Variants in RBMS3 observed in about 807,000 individuals in gnomAD.
RBMS3 encodes the protein RNA binding motif single stranded interacting protein 3.
A neutral mutation model predicts 66.8 loss-of-function variants in RBMS3; 27 were observed. The observed-to-expected ratio is 0.40, with a 90% CI of 0.30 to 0.56. RBMS3 has a LOEUF of 0.56. Among genes scored for constraint, RBMS3 ranks in the 20% least tolerant of loss-of-function variants. RBMS3 has a pLI of 0.40. For missense variants in RBMS3, 513 were observed against 549.5 expected (o/e 0.93, Z 0.66); for synonymous variants, 188 against 183.0 (o/e 1.03, Z -0.22).
At chr3:29,496,996 A>G (rs758311629) in intron 3 of RBMS3, among the ~76,000 whole-genome samples, 2 of 151,756 alleles carry the variant, frequency 1.3e-5, no homozygotes, top group African/African-American at 2.4e-5. Context: ...CAGAACGTGC[A>G]GAAATGATTT....
intron 1 of RBMS3, among the ~76,000 whole-genome samples, chr3:29,329,568 A>G (rs1380675284): frequency 1.3e-5 from 2 of 152,088 alleles, no homozygotes; most frequent in African/African-American, 4.8e-5. Flanking sequence ...TAAGCTTTAG[A>G]GAAATGTCTT....
At chr3:29,467,214 A>C (rs1288421607) in intron 2 of RBMS3, among the ~76,000 whole-genome samples, 1 of 152,114 alleles carries the variant, frequency 6.6e-6, no homozygotes, top group Non-Finnish European at 1.5e-5. Flanking sequence ...GATTATGTGA[A>C]CCTGTTGCTG....
chr3:29,344,327 A>G (rs1452540370), intron 1 of RBMS3, among the ~76,000 whole-genome samples: 2 of 152,180 alleles, frequency 1.3e-5, no homozygotes, highest in African/African-American at 2.4e-5. Context: ...TCACAGTACC[A>G]TGTGGTCTGT....
At chr3:29,747,697 GA>G (rs2054984252) in intron 5 of RBMS3, among the ~76,000 whole-genome samples, 1 of 152,180 alleles carries the variant, frequency 6.6e-6, no homozygotes. Context: ...TTTATTAAGT[GA>G]AAGGAAAACT....
intron 1 of RBMS3, among the ~76,000 whole-genome samples, chr3:29,323,726 A>ACCCACC (rs1553633242): frequency 2.8e-5 from 4 of 140,604 alleles, no homozygotes; most frequent in African/African-American, 1.1e-4. Flanking sequence ...ACACACACAC[A>ACCCACC]CCCCTTGGAC....
intron 4 of RBMS3, among the ~76,000 whole-genome samples, chr3:29,645,804 G>A (rs1205345857): frequency 6.6e-6 from 1 of 152,156 alleles, no homozygotes; most frequent in African/African-American, 2.4e-5. Flanking sequence ...TATTGGCATT[G>A]TGTAATGTTT....
chr3:29,542,446 C>T (rs946311845), intron 3 of RBMS3, among the ~76,000 whole-genome samples: 3 of 152,082 alleles, frequency 2.0e-5, no homozygotes, highest in Non-Finnish European at 4.4e-5. Flanking sequence ...CTGCAACCTG[C>T]GCCTCCCGGG....
intron 1 of RBMS3, among the ~76,000 whole-genome samples, chr3:29,388,944 G>C (rs1227154414): frequency 2.0e-5 from 3 of 152,192 alleles, no homozygotes; most frequent in African/African-American, 7.2e-5. Context: ...TCCCATTTAT[G>C]TAGACACATC....
intron 5 of RBMS3, among the ~76,000 whole-genome samples, chr3:29,756,651 T>G (rs2055427682): frequency 6.6e-6 from 1 of 152,046 alleles, no homozygotes; most frequent in East Asian, 1.9e-4. Flanking sequence ...CAATTCAAGA[T>G]GAGATTTGGT....
intron 2 of RBMS3, among the ~76,000 whole-genome samples, chr3:29,448,070 CAA>C (rs1395681345): frequency 6.6e-6 from 1 of 152,152 alleles, no homozygotes; most frequent in Admixed American, 6.5e-5. Flanking sequence ...ATGGGACAAA[CAA>C]GAGACATAAT....
chr3:29,990,884 C>T (rs1329545840), intron 13 of RBMS3, among the ~76,000 whole-genome samples, 198 bp from the exon 14 acceptor site: 1 of 152,112 alleles, frequency 6.6e-6, no homozygotes, highest in Non-Finnish European at 1.5e-5. Flanking sequence ...GGCAAGGCTT[C>T]TTGGTGTCAC....
chr3:29,862,832 C>G (rs1309411654), intron 6 of RBMS3, among the ~76,000 whole-genome samples: 2 of 132,272 alleles, frequency 1.5e-5, no homozygotes, highest in Non-Finnish European at 3.1e-5. Context: ...GCCTGGGAGA[C>G]AGAGCAAGTC....
chr3:29,326,121 A>G (rs1309761055), intron 1 of RBMS3, among the ~76,000 whole-genome samples: 1 of 152,114 alleles, frequency 6.6e-6, no homozygotes, highest in Non-Finnish European at 1.5e-5. Context: ...TGCAGGTCTA[A>G]TGTCTTCATT....
chr3:29,644,701 G>T (rs2049851062), intron 4 of RBMS3, among the ~76,000 whole-genome samples: 1 of 152,064 alleles, frequency 6.6e-6, no homozygotes, highest in African/African-American at 2.4e-5. Context: ...GTCTTTCATT[G>T]CAGGCACTAT....
At chr3:29,979,934 C>G (rs1319805063) in intron 12 of RBMS3, among the ~76,000 whole-genome samples, 1 of 152,172 alleles carries the variant, frequency 6.6e-6, no homozygotes, top group Non-Finnish European at 1.5e-5. Flanking sequence ...GATTTATAAT[C>G]CTTTAGGTAT....
In RBMS3 at chr3:29,952,598, T is replaced by C. The variant is rs115240861; in HGVS notation, c.1098+8344T>C. 2.3e-3 allele frequency among the ~76,000 whole-genome samples: 347 copies of C among 151,992 alleles called. 1 individual carries two copies. Among genetic ancestry groups the C allele is most frequent in the African/African-American group, 7.8e-3 (325 of 41,532 alleles). ...ATACACATTTTTTTTACTTTTCTGCTTAAAATGAAATCTGCTGTTGATTTG... is the reference window on the plus strand; with the variant it reads ...ATACACATTTTTTTTACTTTTCTGCCTAAAATGAAATCTGCTGTTGATTTG... On this transcript the variant is annotated intron_variant, in intron 12 of 14. Transcript: ENST00000383767.
intron 4 of RBMS3, among the ~76,000 whole-genome samples, chr3:29,719,344 C>A (rs923232918): frequency 3.3e-5 from 5 of 151,904 alleles, no homozygotes; most frequent in African/African-American, 1.2e-4. Flanking sequence ...TTGGGCAAGT[C>A]TTTTCTTACC....
intron 2 of RBMS3, among the ~76,000 whole-genome samples, chr3:29,464,528 C>T (rs1433997861): frequency 1.3e-5 from 2 of 152,152 alleles, no homozygotes; most frequent in Non-Finnish European, 2.9e-5. Flanking sequence ...TAGTTACTCA[C>T]AAGTAAACTA....
At chr3:29,414,032 A>G (rs2040379392) in intron 1 of RBMS3, among the ~76,000 whole-genome samples, 1 of 152,194 alleles carries the variant, frequency 6.6e-6, no homozygotes, top group African/African-American at 2.4e-5. Flanking sequence ...TAGTAAAAAC[A>G]GTCCATTTTG....
Sources: allele counts gnomAD v4.1 joint callset (sites outside exome capture counted in the v4.1 genomes callset), GRCh38; gene constraint gnomAD v4.1.1; transcripts MANE v1.5; gene names NCBI Gene and HGNC (gene_info 2026-07-23, HGNC 2026-07-21).